The following FOXK1 variants were observed in gnomAD, a reference collection of about 807,000 sequenced individuals.
The protein encoded by FOXK1 is forkhead box protein K1.
Under a neutral mutation model 51.9 loss-of-function variants are expected in FOXK1, and 19 were observed. The ratio of observed to expected loss-of-function variants is 0.37; its 90% CI spans 0.26 to 0.54. FOXK1 has a LOEUF of 0.54. Among genes scored for constraint, FOXK1 ranks in the 20% least tolerant of loss-of-function variants. The pLI, the probability that FOXK1 is intolerant of heterozygous loss-of-function variation, is 0.87. For synonymous variants in FOXK1, 537 were observed against 482.6 expected, an observed-to-expected ratio of 1.11 and a Z score of -1.48; for missense variants, 870 against 1,032.7, an observed-to-expected ratio of 0.84 and a Z score of 2.16.
chr7:4,699,087 T>G (rs894094105), intron 1 of FOXK1, among the ~76,000 whole-genome samples: 1 of 152,026 alleles, frequency 6.6e-6, no homozygotes, highest in Non-Finnish European at 1.5e-5. Context: ...GCTGTTGTCC[T>G]GTGTTTTTAG....
chr7:4,714,812 A>G (rs1780214609), intron 1 of FOXK1, among the ~76,000 whole-genome samples: 1 of 152,144 alleles, frequency 6.6e-6, no homozygotes, highest in Non-Finnish European at 1.5e-5. Context: ...TTAGAGAATC[A>G]GTTCCCAGCG....
rs1779786332 is a variant in FOXK1, at chr7:4,683,963, A to C, written c.560+1095A>C. Among the ~76,000 whole-genome samples, 1 of 152,116 alleles carries C rather than the reference A, an allele frequency of 6.6e-6. No individual in the cohort carries two copies. ...TGGAGTAGCGGGACCCCAAGATCAA[A>C]TTAGATTCCCCCGGGCCCGAGGTCA... is the stretch of plus-strand genomic sequence containing the variant. On this transcript the variant is annotated intron_variant, in intron 1 of 8. Transcript: ENST00000328914. This position sits in a 1 kb window ranked among gnomAD's most constrained non-coding sequence, Gnocchi z 4.5.
chr7:4,688,394 CT>C (rs1314408283), intron 1 of FOXK1, among the ~76,000 whole-genome samples: 8 of 149,500 alleles, frequency 5.4e-5, no homozygotes, highest in African/African-American at 2.0e-4. Context: ...CTTTTCTTTT[CT>C]TTTTTTTATT....
rs1033406050 is a variant in FOXK1, at chr7:4,759,360, G to A, written c.1461G>A (p.Pro487=). 2.5e-6 allele frequency: 4 copies of A among 1,602,250 alleles called. No homozygotes were observed. Among genetic ancestry groups the A allele is most frequent in the Non-Finnish European group, 3.4e-6 (4 of 1,179,260 alleles). The change falls in exon 7 of 9, where the codon CCG becomes CCA. Residue 487 remains proline, a synonymous_variant. Coordinates refer to ENST00000328914, the MANE Select transcript of FOXK1 (RefSeq NM_001037165.2). The part of the protein sequence containing the change: ...QPVIMAVPPR[P]SSLVAKPVAY... ...TGATCATGGCCGTGCCTCCCCGACCGTCCAGCCTCGTGGCCAAGCCCGTGG... is the reference window on the plus strand; with the variant it reads ...TGATCATGGCCGTGCCTCCCCGACCATCCAGCCTCGTGGCCAAGCCCGTGG...
intron 2 of FOXK1, among the ~76,000 whole-genome samples, chr7:4,741,398 G>A (rs1168082845): frequency 1.3e-5 from 2 of 151,860 alleles, no homozygotes; most frequent in African/African-American, 2.4e-5. Flanking sequence ...GCGCGATCTC[G>A]GCTCACTGCA....
chr7:4,748,272 T>C lies in FOXK1; in HGVS notation c.747-6187T>C, dbSNP rs530890554. Among the ~76,000 whole-genome samples the C allele has an allele frequency of 6.6e-6, 1 of 152,310 alleles. No homozygotes were observed. The highest frequency in any genetic ancestry group is 1.9e-4 in the East Asian group (1 of 5,186). On this transcript the variant is annotated intron_variant, in intron 2 of 8. Transcript: ENST00000328914. The surrounding 1 kb of genome is among the most constrained non-coding windows in gnomAD (Gnocchi z 4.9). ...TGAGTCGTATTCGTACGTGACTGTCTCTTGGTTTTTCCGTTTTAGATATTA... is the reference window on the plus strand; with the variant it reads ...TGAGTCGTATTCGTACGTGACTGTCCCTTGGTTTTTCCGTTTTAGATATTA...
At chr7:4,754,835 G>A (rs1163099608) in intron 3 of FOXK1, 19 of 651,786 alleles carry the variant, frequency 2.9e-5, no homozygotes, top group South Asian at 3.9e-5. Flanking sequence ...CAGGGGTGGC[G>A]CCGTCACCGA....
In FOXK1 at chr7:4,753,513, G is replaced by T. The variant is rs903781668; in HGVS notation, c.747-946G>T. 6.6e-5 allele frequency among the ~76,000 whole-genome samples: 10 copies of T among 152,166 alleles called. No homozygotes were observed. Among genetic ancestry groups the T allele is most frequent in the Non-Finnish European group, 1.3e-4 (9 of 68,030 alleles). On this transcript the variant is annotated intron_variant, in intron 2 of 8. Transcript: ENST00000328914. The surrounding 1 kb of genome is among the most constrained non-coding windows in gnomAD (Gnocchi z 4.9). ...GGGCTCTAAGTCAGCTGAGAGGGGG[G>T]ATGTCAGCATCACAGGTGGGCAGGG...
rs1780743408 is a variant in FOXK1 at position 4,749,131 on chromosome 7, C to T, written c.747-5328C>T. Among the ~76,000 whole-genome samples the T allele has an allele frequency of 6.6e-6, 1 of 152,136 alleles. No homozygotes were observed. Among genetic ancestry groups the T allele is most frequent in the African/African-American group, 2.4e-5 (1 of 41,428 alleles). ...CCTTTCTTGGATTTGTATTTCTCTTCTTTTGAATTCTTATTTTTTAATTTG... is the reference window on the plus strand; with the variant it reads ...CCTTTCTTGGATTTGTATTTCTCTTTTTTTGAATTCTTATTTTTTAATTTG... On this transcript the variant is annotated intron_variant, in intron 2 of 8. Coordinates refer to ENST00000328914, the MANE Select transcript of FOXK1 (RefSeq NM_001037165.2). The surrounding 1 kb of genome is among the most constrained non-coding windows in gnomAD (Gnocchi z 6.0).
Position 4,707,173 on chromosome 7 carries a change from G to A in FOXK1, c.560+24305G>A, listed in dbSNP as rs187984435. Among the ~76,000 whole-genome samples the A allele has an allele frequency of 1.9e-3, 283 of 152,268 alleles. 1 individual carries two copies. The highest frequency in any genetic ancestry group is 6.5e-3 in the African/African-American group (271 of 41,540). On this transcript the variant is annotated intron_variant, in intron 1 of 8. Transcript: ENST00000328914. This position sits in a 1 kb window ranked among gnomAD's most constrained non-coding sequence, Gnocchi z 4.1. ...GTTGCCCTCTTTGTTACCACCCCTG[G>A]TGCGGTGGACACAGACATTGCCCAA... is the stretch of plus-strand genomic sequence containing the variant.
chr7:4,759,237 C>T lies in FOXK1; in HGVS notation c.1411+20C>T. On this transcript the variant is annotated intron_variant, in intron 6 of 8. Coordinates refer to ENST00000328914, the MANE Select transcript of FOXK1 (RefSeq NM_001037165.2). ...CACCCGGTAAGGAGCGGGCGGCCCT[C>T]TTGCGGGGCGGGGCGGGGCGGGACT... 2.5e-6 allele frequency: 4 copies of T among 1,585,258 alleles called. No homozygotes were observed. The highest frequency in any genetic ancestry group is 3.4e-6 in the Non-Finnish European group (4 of 1,162,366).
chr7:4,694,331 C>T (rs1467928041), intron 1 of FOXK1, among the ~76,000 whole-genome samples: 1 of 151,972 alleles, frequency 6.6e-6, no homozygotes, highest in Non-Finnish European at 1.5e-5. Context: ...TTTGGATAAA[C>T]ATAAAAATTC....
chr7:4,768,943 G>A lies in FOXK1; in HGVS notation c.*6479G>A, dbSNP rs934381823. 2.6e-5 allele frequency: 4 copies of A among 152,228 alleles called. No homozygotes were observed. The highest frequency in any genetic ancestry group is 4.4e-5 in the Non-Finnish European group (3 of 68,102). 9.4% of individuals were successfully genotyped at this position (152,228 alleles called of 1,614,324 possible). On this transcript the variant is annotated 3_prime_UTR_variant, in exon 9 of 9. Transcript: ENST00000328914. ...GGCCAGCCATTCCCGGGAGGCCTGAGTGTGACCTGGAAGCTCTGTGGGTCA... is the reference window on the plus strand; with the variant it reads ...GGCCAGCCATTCCCGGGAGGCCTGAATGTGACCTGGAAGCTCTGTGGGTCA...
chr7:4,696,959 A>T (rs1354870411), intron 1 of FOXK1, among the ~76,000 whole-genome samples: 1 of 152,148 alleles, frequency 6.6e-6, no homozygotes, highest in African/African-American at 2.4e-5. Flanking sequence ...TCCCAGCTAC[A>T]CGGGAGACAG....
Position 4,753,978 on chromosome 7 carries a change from G to C in FOXK1, c.747-481G>C, listed in dbSNP as rs888087069. On this transcript the variant is annotated intron_variant, in intron 2 of 8. Coordinates refer to ENST00000328914, the MANE Select transcript of FOXK1 (RefSeq NM_001037165.2). The surrounding 1 kb of genome is among the most constrained non-coding windows in gnomAD (Gnocchi z 4.9). ...CTGCCACGCCTTCACCCTGCAGGGC[G>C]ATGGCACCTCCACAGCCTCTTTCCA... Among the ~76,000 whole-genome samples the C allele has an allele frequency of 1.3e-5, 2 of 152,214 alleles. No individual in the cohort carries two copies. The highest frequency in any genetic ancestry group is 2.9e-5 in the Non-Finnish European group (2 of 68,030).
At chr7:4,759,727 C>A in intron 7 of FOXK1, 132 bp downstream of exon 7, 1 of 1,109,790 alleles carries the variant, frequency 9.0e-7, no homozygotes, top group Non-Finnish European at 1.3e-6. Context: ...CCTCTCGCTG[C>A]CTTGTCCCTT....
chr7:4,713,353 G>A (rs755476868), intron 1 of FOXK1, among the ~76,000 whole-genome samples: 6 of 152,170 alleles, frequency 3.9e-5, no homozygotes, highest in Admixed American at 6.5e-5. Context: ...TGGGATTCCC[G>A]CTCACTGGGC....
rs369886338 is a variant in FOXK1 at position 4,767,983 on chromosome 7, G to T, written c.*5519G>T. On this transcript the variant is annotated 3_prime_UTR_variant, in exon 9 of 9. Transcript: ENST00000328914. The surrounding 1 kb of genome is among the most constrained non-coding windows in gnomAD (Gnocchi z 6.6). The stretch of plus-strand genomic sequence containing the variant: ...TGGAAAGGATTGTCCCATTAGAGCT[G>T]CTGCGTCCTTTCCTCTGTCCTCCCT... 1.9e-4 allele frequency: 29 copies of T among 152,266 alleles called. No individual in the cohort carries two copies. Among genetic ancestry groups the T allele is most frequent in the African/African-American group, 6.7e-4 (28 of 41,538 alleles). The allele number at this position is 152,266 out of a possible 1,614,324, so 9.4% of individuals were successfully genotyped here. A position where few individuals can be genotyped will look rare whatever the true frequency, so the allele number is the denominator to read the frequency against.
intron 1 of FOXK1, among the ~76,000 whole-genome samples, chr7:4,684,346 TTG>T (rs1447526961): frequency 6.6e-6 from 1 of 152,184 alleles, no homozygotes; most frequent in Non-Finnish European, 1.5e-5. Flanking sequence ...GGCCCAAAGT[TTG>T]TGTCTGTAAA....
Sources: gnomAD v4.1 joint callset for allele counts (sites outside exome capture counted in the v4.1 genomes callset) on GRCh38, gnomAD v4.1.1 for gene constraint, Gnocchi (gnomAD v3.1) non-coding constraint, MANE v1.5 for transcripts, NCBI Gene and HGNC (gene_info 2026-07-23, HGNC 2026-07-21) for gene names.